CFAP299: variants seen among roughly 807,000 people sequenced by gnomAD.
CFAP299 encodes cilia- and flagella-associated protein 299.
CFAP299 carries 21 observed loss-of-function variants against 27.0 expected under a neutral mutation model. The observed-to-expected ratio is 0.78, with a 90% CI of 0.55 to 1.12. The LOEUF (loss-of-function observed/expected upper bound fraction) is 1.12, where lower values mean the gene tolerates loss of function less well. Ranked by LOEUF, CFAP299 falls within the 50% of genes most tolerant of loss-of-function variation. The pLI is 0.00. For synonymous variants in CFAP299, 104 were observed against 98.1 expected, an observed-to-expected ratio of 1.06 and a Z score of -0.36; for missense variants, 310 against 276.6, an observed-to-expected ratio of 1.12 and a Z score of -0.86.
intron 1 of CFAP299, among the ~76,000 whole-genome samples, chr4:80,352,862 T>C (rs1723081618): frequency 6.6e-6 from 1 of 151,968 alleles, no homozygotes; most frequent in South Asian, 2.1e-4. Context: ...AAAAATTTGA[T>C]TTGAGTAAAA....
intron 1 of CFAP299, among the ~76,000 whole-genome samples, chr4:80,353,201 A>T (rs1723097494): frequency 6.6e-6 from 1 of 152,078 alleles, no homozygotes; most frequent in Non-Finnish European, 1.5e-5. Flanking sequence ...CCAAAGTCAT[A>T]CTCCCTTCTT....
intron 2 of CFAP299, among the ~76,000 whole-genome samples, chr4:80,373,581 T>C (rs1724259243): frequency 6.6e-6 from 1 of 152,180 alleles, no homozygotes; most frequent in Admixed American, 6.5e-5. Flanking sequence ...GAGTTATTCC[T>C]TTATTGATTG....
chr4:80,885,624 G>A (rs1733934103), intron 4 of CFAP299, among the ~76,000 whole-genome samples: 1 of 152,120 alleles, frequency 6.6e-6, no homozygotes, highest in Non-Finnish European at 1.5e-5. Flanking sequence ...TGGGCCAAAA[G>A]GGAACTAGGT....
intron 3 of CFAP299, among the ~76,000 whole-genome samples, chr4:80,652,682 G>C (rs533162796): frequency 1.3e-5 from 2 of 152,058 alleles, no homozygotes; most frequent in African/African-American, 4.8e-5. Context: ...TCCCTTCCTG[G>C]TCATTTTCTC....
chr4:80,875,577 T>C (rs992182292), intron 4 of CFAP299, among the ~76,000 whole-genome samples: 23 of 150,782 alleles, frequency 1.5e-4, no homozygotes, highest in Non-Finnish European at 3.2e-4. Context: ...GGCAGGAGAA[T>C]CGCTTGAACC....
intron 2 of CFAP299, among the ~76,000 whole-genome samples, chr4:80,412,406 A>G (rs191983079): frequency 1.6e-4 from 25 of 152,328 alleles, no homozygotes; most frequent in Admixed American, 1.5e-3. Flanking sequence ...AGCAAGAAAA[A>G]GCCCCTTTAA....
At chr4:80,353,719 A>G (rs1032751696) in intron 1 of CFAP299, among the ~76,000 whole-genome samples, 1 of 152,142 alleles carries the variant, frequency 6.6e-6, no homozygotes. Flanking sequence ...CAGTATCTAC[A>G]CTATCTGTGA....
chr4:80,891,149 G>C (rs1225518673), intron 4 of CFAP299, among the ~76,000 whole-genome samples: 1 of 149,198 alleles, frequency 6.7e-6, no homozygotes, highest in African/African-American at 2.5e-5. Flanking sequence ...CCTATGTCCT[G>C]AATGGTAATG....
intron 4 of CFAP299, among the ~76,000 whole-genome samples, chr4:80,915,058 G>A (rs970299623): frequency 2.6e-5 from 4 of 151,142 alleles, no homozygotes; most frequent in East Asian, 1.9e-4. Context: ...TTTTGCTACC[G>A]TTTTCCCCTA....
intron 3 of CFAP299, among the ~76,000 whole-genome samples, chr4:80,587,270 G>A (rs890968734): frequency 1.3e-5 from 2 of 151,970 alleles, no homozygotes; most frequent in African/African-American, 4.8e-5. Flanking sequence ...ATCAACGTTT[G>A]GGGGAAAATG....
chr4:80,606,108 G>A (rs767098203), intron 3 of CFAP299, among the ~76,000 whole-genome samples: 2 of 152,158 alleles, frequency 1.3e-5, no homozygotes, highest in Admixed American at 6.5e-5. Flanking sequence ...ATTAATAAAG[G>A]TGTGGGCAAA....
chr4:80,800,920 G>A (rs745370760), intron 3 of CFAP299, among the ~76,000 whole-genome samples: 18 of 150,620 alleles, frequency 1.2e-4, no homozygotes, highest in African/African-American at 2.0e-4. Context: ...GGAGTCTGAT[G>A]TTTGAGGGCA....
At chr4:80,696,787 A>G (rs1222813505) in intron 3 of CFAP299, among the ~76,000 whole-genome samples, 4 of 152,184 alleles carry the variant, frequency 2.6e-5, no homozygotes, top group Non-Finnish European at 5.9e-5. Flanking sequence ...ACCTGGAGGC[A>G]TAAATGAACT....
intron 3 of CFAP299, among the ~76,000 whole-genome samples, chr4:80,628,860 G>A (rs1739055707): frequency 6.6e-6 from 1 of 152,146 alleles, no homozygotes; most frequent in South Asian, 2.1e-4. Flanking sequence ...ACCCTTGCAC[G>A]CTGTTGGTGA....
chr4:80,454,897 C>T (rs768348526), intron 2 of CFAP299, among the ~76,000 whole-genome samples: 7 of 151,938 alleles, frequency 4.6e-5, no homozygotes, highest in Non-Finnish European at 8.8e-5. Context: ...GTTGACTGGT[C>T]CGGTTGGAGA....
intron 2 of CFAP299, among the ~76,000 whole-genome samples, chr4:80,465,126 G>T (rs745901242): frequency 6.6e-6 from 1 of 151,590 alleles, no homozygotes; most frequent in Admixed American, 6.6e-5. Flanking sequence ...AATCCCAGTT[G>T]TTTTTTTTAA....
intron 2 of CFAP299, among the ~76,000 whole-genome samples, chr4:80,509,736 A>C (rs972814154): frequency 1.3e-5 from 2 of 152,214 alleles, no homozygotes; most frequent in Admixed American, 6.5e-5. Context: ...GAAAGTGGCC[A>C]TACTTTTTGA....
intron 3 of CFAP299, among the ~76,000 whole-genome samples, chr4:80,755,220 T>A (rs1725167021): frequency 6.6e-6 from 1 of 152,090 alleles, no homozygotes; most frequent in South Asian, 2.1e-4. Context: ...GGCCTGCTGC[T>A]TGAGAGACAT....
At chr4:80,759,660 A>G (rs1345130090) in intron 3 of CFAP299, among the ~76,000 whole-genome samples, 1 of 152,204 alleles carries the variant, frequency 6.6e-6, no homozygotes, top group East Asian at 1.9e-4. Flanking sequence ...TCTTTATAAA[A>G]TTATTTTGTT....
Sources: allele counts gnomAD v4.1 joint callset (sites outside exome capture counted in the v4.1 genomes callset), GRCh38; gene constraint gnomAD v4.1.1; transcripts MANE v1.5; gene names NCBI Gene and HGNC (gene_info 2026-07-23, HGNC 2026-07-21).